The following TMEM117 variants were observed in gnomAD, a reference collection of about 807,000 sequenced individuals.
The protein encoded by TMEM117 is transmembrane protein 117.
In TMEM117, 27 loss-of-function variants were observed where a neutral mutation model predicts 52.4. The observed-to-expected ratio is 0.51, with a 90% CI of 0.38 to 0.71. The LOEUF (loss-of-function observed/expected upper bound fraction) is 0.71. Ranked by LOEUF, TMEM117 falls within the 30% of genes least tolerant of loss-of-function variation. The probability of loss-of-function intolerance (pLI) is 0.00; values close to 1 mark genes in which losing one functional copy is unlikely to be tolerated. For synonymous variants in TMEM117, 215 were observed against 206.3 expected, an observed-to-expected ratio of 1.04 and a Z score of -0.36; for missense variants, 556 against 630.5, an observed-to-expected ratio of 0.88 and a Z score of 1.26.
chr12:43,894,320 A>G (rs1944160559), intron 2 of TMEM117, among the ~76,000 whole-genome samples: 1 of 152,164 alleles, frequency 6.6e-6, no homozygotes, highest in Admixed American at 6.5e-5. Flanking sequence ...AAATTCTTTG[A>G]GGGAGAGAAT....
intron 5 of TMEM117, among the ~76,000 whole-genome samples, chr12:44,254,800 C>T (rs1950239128): frequency 2.0e-5 from 3 of 151,932 alleles, no homozygotes; most frequent in East Asian, 3.9e-4. Flanking sequence ...TAAAGCTATC[C>T]CTCCCCTCTC....
intron 4 of TMEM117, among the ~76,000 whole-genome samples, chr12:44,194,550 T>A (rs1317817113): frequency 1.3e-5 from 2 of 152,154 alleles, no homozygotes; most frequent in African/African-American, 4.8e-5. Flanking sequence ...CAGCACTTAA[T>A]CCACTTAATC....
At chr12:44,244,781 G>A (rs1449110105) in intron 5 of TMEM117, among the ~76,000 whole-genome samples, 4 of 151,912 alleles carry the variant, frequency 2.6e-5, no homozygotes, top group Admixed American at 6.6e-5. Flanking sequence ...CCAATGTCAT[G>A]GATCTTTTCC....
Position 43,931,931 on chromosome 12 carries a change from T to C in TMEM117, c.278-12279T>C, listed in dbSNP as rs552371823. Among the ~76,000 whole-genome samples, 11 of 152,336 alleles carry C rather than the reference T, an allele frequency of 7.2e-5. No homozygotes were observed. The East Asian group carries it at 1.9e-3, about 27-fold the overall frequency. On this transcript the variant is annotated intron_variant, in intron 2 of 7. Transcript: ENST00000266534. ...TGTCCTTGAGCTTACACTTTTATTT[T>C]CTCAGTGTTTTTATGGGCGTTTGGT... is the stretch of plus-strand genomic sequence containing the variant.
chr12:44,150,825 TA>T (rs1274346056), intron 4 of TMEM117, among the ~76,000 whole-genome samples: 1 of 151,862 alleles, frequency 6.6e-6, no homozygotes, highest in African/African-American at 2.4e-5. Context: ...CTTTTGGAAT[TA>T]AAAAAATAGA....
intron 5 of TMEM117, among the ~76,000 whole-genome samples, chr12:44,232,376 T>C (rs976778497): frequency 2.6e-5 from 4 of 151,298 alleles, no homozygotes; most frequent in African/African-American, 9.7e-5. Flanking sequence ...AGTTTATTTT[T>C]TTTCCACTGG....
intron 2 of TMEM117, among the ~76,000 whole-genome samples, chr12:43,856,189 A>G (rs1262001411): frequency 1.3e-5 from 2 of 152,218 alleles, no homozygotes; most frequent in African/African-American, 4.8e-5. Context: ...GACGCTGTCT[A>G]TATAGCCAAA....
At chr12:44,284,810 A>AT (rs11421335) in intron 5 of TMEM117, among the ~76,000 whole-genome samples, 33,080 of 152,014 alleles carry the variant, frequency 0.22, 6,462 homozygotes, top group African/African-American at 0.53. Flanking sequence ...TCTACTAGGT[A>AT]TTTTTTTTCT....
chr12:44,078,566 C>G (rs1947420297), intron 3 of TMEM117, among the ~76,000 whole-genome samples: 1 of 152,138 alleles, frequency 6.6e-6, no homozygotes, highest in African/African-American at 2.4e-5. Context: ...TGGTGCTCAA[C>G]TTTCAGTATA....
intron 2 of TMEM117, among the ~76,000 whole-genome samples, chr12:43,873,030 A>T (rs1943733103): frequency 6.6e-6 from 1 of 152,204 alleles, no homozygotes; most frequent in Non-Finnish European, 1.5e-5. Context: ...GAATTTCATC[A>T]AAGGTGCCAT....
At chr12:43,874,283 T>A (rs1943754856) in intron 2 of TMEM117, among the ~76,000 whole-genome samples, 1 of 152,126 alleles carries the variant, frequency 6.6e-6, no homozygotes, top group Non-Finnish European at 1.5e-5. Flanking sequence ...GAAAGTTATA[T>A]TAAAAAACAT....
At chr12:44,200,859 C>T (rs1949486872) in intron 4 of TMEM117, among the ~76,000 whole-genome samples, 2 of 152,118 alleles carry the variant, frequency 1.3e-5, no homozygotes, top group Non-Finnish European at 2.9e-5. Flanking sequence ...CTGAGTGGGT[C>T]CTGCCACCCC....
At chr12:44,374,269 G>A (rs915987966) in intron 6 of TMEM117, among the ~76,000 whole-genome samples, 2 of 152,024 alleles carry the variant, frequency 1.3e-5, no homozygotes, top group Non-Finnish European at 2.9e-5. Flanking sequence ...AGAGAATGGA[G>A]GCAAGGCTTT....
intron 2 of TMEM117, among the ~76,000 whole-genome samples, chr12:43,921,014 C>T (rs1952369649): frequency 6.6e-6 from 1 of 152,064 alleles, no homozygotes; most frequent in African/African-American, 2.4e-5. Context: ...TCTGGAGTAG[C>T]TTGTTCCCGT....
rs1351911860 is a variant in TMEM117 at position 44,182,070 on chromosome 12, A to G, written c.511-29220A>G. On this transcript the variant is annotated intron_variant, in intron 4 of 7. Coordinates refer to ENST00000266534, the MANE Select transcript of TMEM117 (RefSeq NM_032256.3). ...AGTTCTCCTTGAAGAGGTCCTTTGC[A>G]TTCCTTGTAAGTTGGATTCCTAGGT... is the stretch of plus-strand genomic sequence containing the variant. 8.1e-4 allele frequency among the ~76,000 whole-genome samples: 123 copies of G among 151,460 alleles called. 1 individual carries two copies. Among genetic ancestry groups the G allele is most frequent in the African/African-American group, 2.9e-3 (118 of 40,782 alleles).
chr12:44,145,670 T>C (rs993314875), intron 4 of TMEM117, among the ~76,000 whole-genome samples: 47 of 152,292 alleles, frequency 3.1e-4, no homozygotes, highest in African/African-American at 1.1e-3. Flanking sequence ...CTAGACTTCC[T>C]GAGCCCCATA....
At chr12:44,344,393 G>A (rs1627100) in intron 6 of TMEM117, among the ~76,000 whole-genome samples, 3,141 of 152,202 alleles carry the variant, frequency 0.021, 124 homozygotes, top group African/African-American at 0.071. Context: ...TTTAATGACA[G>A]TTGTTGCATT....
the TMEM117 span, chr12:43,800,398 A>T: frequency 6.6e-7 from 1 of 1,504,254 alleles, no homozygotes; most frequent in Non-Finnish European, 9.1e-7. Flanking sequence ...TAATCATTTT[A>T]ATTGCAACAT....
intron 3 of TMEM117, among the ~76,000 whole-genome samples, chr12:43,989,303 CTG>C (rs1325874501): frequency 6.6e-6 from 1 of 152,084 alleles, no homozygotes; most frequent in Admixed American, 6.6e-5. Flanking sequence ...TTTCTAGTCA[CTG>C]TGCTTGATTC....
Sources: allele counts gnomAD v4.1 joint callset (sites outside exome capture counted in the v4.1 genomes callset), GRCh38; gene constraint gnomAD v4.1.1; transcripts MANE v1.5; gene names NCBI Gene and HGNC (gene_info 2026-07-23, HGNC 2026-07-21).